TEX14: variants seen among roughly 807,000 people sequenced by gnomAD.
TEX14 encodes testis expressed 14, intercellular bridge forming factor.
A neutral mutation model predicts 178.6 loss-of-function variants in TEX14; 168 were observed. The observed-to-expected ratio is 0.94, with a 90% CI of 0.83 to 1.07. The LOEUF (loss-of-function observed/expected upper bound fraction) is 1.07. Ranked by LOEUF, TEX14 falls within the 50% of genes least tolerant of loss-of-function variation. The probability of loss-of-function intolerance (pLI) is 0.00; values close to 1 mark genes in which losing one functional copy is unlikely to be tolerated. For synonymous variants in TEX14, 626 were observed against 634.1 expected (o/e 0.99, Z 0.19); for missense variants, 1,730 against 1,753.6 (o/e 0.99, Z 0.24).
At chr17:58,572,764 AC>A (rs2044567956) in intron 23 of TEX14, among the ~76,000 whole-genome samples, 1 of 152,248 alleles carries the variant, frequency 6.6e-6, no homozygotes, top group Admixed American at 6.5e-5. Context: ...GATTTTTTAA[AC>A]CACAAATATA....
intron 19 of TEX14, among the ~76,000 whole-genome samples, chr17:58,580,671 T>C (rs542796424): frequency 1.3e-5 from 2 of 152,194 alleles, no homozygotes; most frequent in South Asian, 2.1e-4. Context: ...ATTGACACAA[T>C]CCTCCCTTTC....
At chr17:58,633,760 A>G (rs2046372533) in intron 2 of TEX14, among the ~76,000 whole-genome samples, 1 of 152,154 alleles carries the variant, frequency 6.6e-6, no homozygotes, top group Non-Finnish European at 1.5e-5. Context: ...CAAGGTCAGG[A>G]GCTCGAGACC....
At chr17:58,585,630 T>G (rs915664759) in intron 18 of TEX14, among the ~76,000 whole-genome samples, 171 bp downstream of exon 18, 5 of 146,340 alleles carry the variant, frequency 3.4e-5, no homozygotes, top group African/African-American at 1.3e-4. Flanking sequence ...TTTTTTTTTT[T>G]TTTTTTGTAG....
chr17:58,578,342 C>T (rs1362385049), intron 20 of TEX14, among the ~76,000 whole-genome samples: 1 of 151,136 alleles, frequency 6.6e-6, no homozygotes, highest in East Asian at 2.0e-4. Flanking sequence ...CTTTAGAGTC[C>T]GACCCTCTCC....
intron 1 of TEX14, among the ~76,000 whole-genome samples, chr17:58,652,465 C>T (rs1162711973): frequency 2.0e-5 from 3 of 152,148 alleles, no homozygotes; most frequent in African/African-American, 7.2e-5. Flanking sequence ...ACTTCTCCTT[C>T]CTGCCATCAC....
chr17:58,589,082 T>C (rs1229484421), intron 15 of TEX14, among the ~76,000 whole-genome samples: 4 of 151,190 alleles, frequency 2.6e-5, no homozygotes. Context: ...CTGGCCAACA[T>C]GGTGAAAACT....
intron 2 of TEX14, among the ~76,000 whole-genome samples, chr17:58,640,283 G>A (rs1021764415): frequency 6.6e-6 from 1 of 150,650 alleles, no homozygotes; most frequent in South Asian, 2.1e-4. Context: ...TCCAGGCTGG[G>A]TGACACAGCG....
At chr17:58,632,998 T>C (rs2046356881) in intron 2 of TEX14, among the ~76,000 whole-genome samples, 1 of 152,186 alleles carries the variant, frequency 6.6e-6, no homozygotes, top group African/African-American at 2.4e-5. Flanking sequence ...GAAAGGTAAG[T>C]GTATTTCTCG....
chr17:58,565,879 G>T, intron 26 of TEX14, 55 bp from the exon 27 acceptor site: 17 of 1,394,922 alleles, frequency 1.2e-5, no homozygotes, highest in East Asian at 2.4e-5. Context: ...GTGTCCTGCC[G>T]TTCTCTAGAG....
chr17:58,621,934 G>C (rs1322515321), intron 4 of TEX14, 148 bp from the exon 5 acceptor site: 2 of 874,066 alleles, frequency 2.3e-6, no homozygotes, highest in Non-Finnish European at 3.3e-6. Flanking sequence ...TTTTCTAAAG[G>C]TATGGAATGT....
chr17:58,643,354 C>A (rs1166624857), intron 2 of TEX14, among the ~76,000 whole-genome samples: 2 of 152,148 alleles, frequency 1.3e-5, no homozygotes, highest in African/African-American at 4.8e-5. Context: ...CTTGACATTG[C>A]ATTTAGGTGA....
chr17:58,683,990 G>A (rs372551368), intron 1 of TEX14, among the ~76,000 whole-genome samples: 3 of 152,034 alleles, frequency 2.0e-5, no homozygotes, highest in South Asian at 2.1e-4. Flanking sequence ...GCTTGAACCC[G>A]AGAGACGGAG....
At chr17:58,601,129 C>T (rs1567728164) in intron 13 of TEX14, among the ~76,000 whole-genome samples, 1 of 151,572 alleles carries the variant, frequency 6.6e-6, no homozygotes, top group Non-Finnish European at 1.5e-5. Flanking sequence ...CTCATGCCTG[C>T]AATCCCAGCA....
chr17:58,659,159 C>G (rs1160839437), intron 1 of TEX14, among the ~76,000 whole-genome samples: 1 of 151,090 alleles, frequency 6.6e-6, no homozygotes, highest in African/African-American at 2.4e-5. Context: ...GACAGAAAAG[C>G]GCAAAAGCAG....
chr17:58,557,143 A>C, intron 31 of TEX14, 96 bp from the exon 32 acceptor site: 1 of 1,027,786 alleles, frequency 9.7e-7, no homozygotes, highest in Non-Finnish European at 1.5e-6. Flanking sequence ...TATTCAATTA[A>C]ATTCAAGGGA....
chr17:58,585,703 G>A (rs1484353507), intron 18 of TEX14, 98 bp downstream of exon 18: 13 of 1,162,060 alleles, frequency 1.1e-5, no homozygotes, highest in Non-Finnish European at 1.5e-5. Flanking sequence ...TGATCCGCTC[G>A]CCTCACCTCC....
At chr17:58,575,065 A>C (rs1193365388) in intron 21 of TEX14, among the ~76,000 whole-genome samples, 1 of 152,110 alleles carries the variant, frequency 6.6e-6, no homozygotes, top group African/African-American at 2.4e-5. Context: ...GTACTCACTG[A>C]ACATTAACTA....
intron 3 of TEX14, among the ~76,000 whole-genome samples, chr17:58,627,684 C>T (rs1231286035): frequency 2.7e-5 from 4 of 149,674 alleles, no homozygotes; most frequent in Non-Finnish European, 5.9e-5. Context: ...GCAGGAGAAT[C>T]GCTTGCACCT....
chr17:58,574,148 T>C (rs778437381), intron 22 of TEX14, 39 bp downstream of exon 22: 7 of 1,533,866 alleles, frequency 4.6e-6, no homozygotes, highest in South Asian at 4.5e-5. Context: ...ACCAAGACTT[T>C]ACACAAGCAT....
Sources: gnomAD v4.1 joint callset for allele counts (sites outside exome capture counted in the v4.1 genomes callset) on GRCh38, gnomAD v4.1.1 for gene constraint, MANE v1.5 for transcripts, NCBI Gene and HGNC (gene_info 2026-07-23, HGNC 2026-07-21) for gene names.